Variants in JARID2 observed in about 807,000 individuals in gnomAD.
JARID2 encodes the protein protein Jumonji.
Under a neutral mutation model 125.6 loss-of-function variants are expected in JARID2, and 21 were observed. The ratio of observed to expected loss-of-function variants is 0.17; its 90% CI spans 0.12 to 0.24. The LOEUF (loss-of-function observed/expected upper bound fraction) is 0.24, where lower values mean the gene tolerates loss of function less well. Among genes scored for constraint, JARID2 ranks in the 10% least tolerant of loss-of-function variants. JARID2 has a pLI of 1.00. For missense variants in JARID2, 1,303 were observed against 1,639.6 expected (o/e 0.79, Z 3.55); for synonymous variants, 736 against 661.6 (o/e 1.11, Z -1.73).
intron 2 of JARID2, among the ~76,000 whole-genome samples, chr6:15,391,278 C>A (rs148681054): frequency 6.6e-6 from 1 of 152,264 alleles, no homozygotes; most frequent in African/African-American, 2.4e-5. Context: ...GCAAGGCATC[C>A]TCAGTGGTGT....
At chr6:15,282,186 G>A (rs1036252730) in intron 1 of JARID2, among the ~76,000 whole-genome samples, 9 of 152,028 alleles carry the variant, frequency 5.9e-5, no homozygotes, top group South Asian at 2.1e-4. Context: ...CAGGTGATCC[G>A]CCCACCTTGG....
intron 2 of JARID2, among the ~76,000 whole-genome samples, chr6:15,377,848 A>G (rs1163318557): frequency 6.9e-6 from 1 of 145,360 alleles, no homozygotes; most frequent in Admixed American, 7.0e-5. Context: ...GGATAAGTCC[A>G]TGCAAGATGT....
intron 14 of JARID2, 125 bp downstream of exon 14, chr6:15,512,515 C>CT: frequency 1.1e-6 from 1 of 906,236 alleles, no homozygotes; most frequent in East Asian, 2.4e-5. Context: ...TGGAATATGT[C>CT]TTTGAAATTC....
intron 2 of JARID2, among the ~76,000 whole-genome samples, chr6:15,380,675 AC>A (rs1056687835): frequency 6.6e-6 from 1 of 151,834 alleles, no homozygotes; most frequent in African/African-American, 2.4e-5. Flanking sequence ...TGTAGCCAAC[AC>A]CCCCCAAGCC....
chr6:15,301,353 G>A (rs1761617273), intron 1 of JARID2, among the ~76,000 whole-genome samples: 1 of 152,176 alleles, frequency 6.6e-6, no homozygotes, highest in Non-Finnish European at 1.5e-5. Context: ...TTTCTGTCAT[G>A]AGTTCTATAC....
chr6:15,283,504 GCTAATTTT>G (rs1760864515), intron 1 of JARID2, among the ~76,000 whole-genome samples: 1 of 140,308 alleles, frequency 7.1e-6, no homozygotes, highest in South Asian at 2.3e-4. Flanking sequence ...GCTACGCCCG[GCTAATTTT>G]CTTGTATTTT....
rs776379354 is a variant in JARID2 at position 15,372,997 on chromosome 6, A to T, written c.46-1120A>T. On this transcript the variant is annotated intron_variant, in intron 1 of 17. Transcript: ENST00000341776. ...GCTGGGATTACAGGCGTGAGGCACC[A>T]TGCCAGGCCTGCTTCCATTTCTAAA... Among the ~76,000 whole-genome samples, 29 of 152,198 alleles carry T rather than the reference A, an allele frequency of 1.9e-4. 1 individual carries two copies. Among genetic ancestry groups the T allele is most frequent in the Non-Finnish European group, 3.7e-4 (25 of 68,034 alleles).
intron 2 of JARID2, among the ~76,000 whole-genome samples, chr6:15,382,240 G>A (rs1289886388): frequency 6.6e-6 from 1 of 152,206 alleles, no homozygotes; most frequent in East Asian, 1.9e-4. Flanking sequence ...TCCAGCCTAG[G>A]CAACAGAGTG....
intron 4 of JARID2, among the ~76,000 whole-genome samples, chr6:15,454,803 G>A (rs1431647776): frequency 2.0e-5 from 3 of 152,118 alleles, no homozygotes; most frequent in Non-Finnish European, 2.9e-5. Context: ...GATTTTGGCT[G>A]AAAGATTCTC....
chr6:15,382,426 T>TG (rs1666522839), intron 2 of JARID2, among the ~76,000 whole-genome samples: 1 of 151,974 alleles, frequency 6.6e-6, no homozygotes, highest in Non-Finnish European at 1.5e-5. Flanking sequence ...AGCAAGACCT[T>TG]GGGGTGGCAG....
intron 1 of JARID2, among the ~76,000 whole-genome samples, chr6:15,356,990 G>T (rs983646089): frequency 1.3e-5 from 2 of 152,100 alleles, no homozygotes; most frequent in African/African-American, 4.8e-5. Flanking sequence ...CTCCAGCCTG[G>T]ACAACAGATT....
chr6:15,520,848 G>T lies in JARID2; in HGVS notation c.*597G>T, dbSNP rs1233729308. ...GGCGGACGTTGTTTCCTAACCATAGGTGGAACGAGGAGACGGGAGCGAGTG... is the reference window on the plus strand; with the variant it reads ...GGCGGACGTTGTTTCCTAACCATAGTTGGAACGAGGAGACGGGAGCGAGTG... On this transcript the variant is annotated 3_prime_UTR_variant, in exon 18 of 18. Transcript: ENST00000341776. 2.2e-6 allele frequency: 1 copy of T among 455,868 alleles called. No individual in the cohort carries two copies. Among genetic ancestry groups the T allele is most frequent in the East Asian group, 7.0e-5 (1 of 14,384 alleles). 28.2% of individuals were successfully genotyped at this position (455,868 alleles called of 1,614,324 possible).
At chr6:15,415,988 G>C (rs1231145921) in intron 3 of JARID2, among the ~76,000 whole-genome samples, 8 of 151,130 alleles carry the variant, frequency 5.3e-5, no homozygotes, top group African/African-American at 2.0e-4. Context: ...GCTGGGCAGA[G>C]ACGCTCCTCA....
At chr6:15,509,220 G>C in intron 12 of JARID2, 1 of 1,214,792 alleles carries the variant, frequency 8.2e-7, no homozygotes, top group Admixed American at 3.0e-5. Flanking sequence ...TGGTGTCTTT[G>C]TTTACGGCGG....
chr6:15,280,348 C>T lies in JARID2; in HGVS notation c.45+33764C>T, dbSNP rs1046071413. Among the ~76,000 whole-genome samples, 156 of 151,988 alleles carry T rather than the reference C, an allele frequency of 1.0e-3. 10 individuals are homozygous for T. Among genetic ancestry groups the T allele is most frequent in the Non-Finnish European group, 2.9e-5 (2 of 68,014 alleles). ...AGAAATTAGTTTCTCGGTTTTTTCC[C>T]TTCCAATTTAGAAAAAAATTAAGTT... On this transcript the variant is annotated intron_variant, in intron 1 of 17. Coordinates refer to ENST00000341776, the MANE Select transcript of JARID2 (RefSeq NM_004973.4).
chr6:15,443,506 G>A (rs1254934776), intron 3 of JARID2, among the ~76,000 whole-genome samples: 2 of 152,052 alleles, frequency 1.3e-5, no homozygotes, highest in African/African-American at 4.8e-5. Flanking sequence ...AAAGTGCTAG[G>A]TGGTAGTACT....
chr6:15,351,986 T>C (rs1763444210), intron 1 of JARID2, among the ~76,000 whole-genome samples: 1 of 152,208 alleles, frequency 6.6e-6, no homozygotes, highest in East Asian at 1.9e-4. Context: ...AAAAGGATAA[T>C]CACTGCGCCG....
chr6:15,316,029 G>A (rs1299140618), intron 1 of JARID2, among the ~76,000 whole-genome samples: 4 of 151,418 alleles, frequency 2.6e-5, no homozygotes, highest in Non-Finnish European at 5.9e-5. Flanking sequence ...TTTTCATCCC[G>A]TGAATGTTAT....
chr6:15,458,855 C>T (rs1427145344), intron 4 of JARID2, among the ~76,000 whole-genome samples: 1 of 152,128 alleles, frequency 6.6e-6, no homozygotes, highest in Non-Finnish European at 1.5e-5. Flanking sequence ...TGTTGGAGGT[C>T]CTGGAGTTAA....
Sources: gnomAD v4.1 joint callset for allele counts (sites outside exome capture counted in the v4.1 genomes callset) on GRCh38, gnomAD v4.1.1 for gene constraint, MANE v1.5 for transcripts, NCBI Gene and HGNC (gene_info 2026-07-23, HGNC 2026-07-21) for gene names.